ENTREP1: variants seen among roughly 807,000 people sequenced by gnomAD.
ENTREP1 encodes endosomal transmembrane epsin interactor 1, also known as Friedreich ataxia region gene X123.
chr9:69,328,180 A>G, the ENTREP1 span, among the ~76,000 whole-genome samples: 1 of 152,138 alleles, frequency 6.6e-6, no homozygotes, highest in African/African-American at 2.4e-5. Context: ...TCTTCTGATA[A>G]ACTTCAGAAG....
the ENTREP1 span, among the ~76,000 whole-genome samples, chr9:69,340,738 T>TGG: frequency 7.5e-6 from 1 of 133,886 alleles, no homozygotes; most frequent in African/African-American, 2.9e-5. Context: ...TGTGTGTATG[T>TGG]GTGTGTGTTT....
chr9:69,343,358 A>G, the ENTREP1 span, among the ~76,000 whole-genome samples: 4 of 152,212 alleles, frequency 2.6e-5, no homozygotes, highest in Admixed American at 2.6e-4. Flanking sequence ...GACCCACTTC[A>G]GTAAGGGAGA....
chr9:69,347,442 G>C, the ENTREP1 span, among the ~76,000 whole-genome samples: 1 of 152,196 alleles, frequency 6.6e-6, no homozygotes, highest in Non-Finnish European at 1.5e-5. Flanking sequence ...TGTGTTGTAG[G>C]GGGAGCAGTA....
At chr9:69,391,357 A>T in the ENTREP1 span, among the ~76,000 whole-genome samples, 10,124 of 152,316 alleles carry the variant, frequency 0.066, 401 homozygotes, top group Non-Finnish European at 0.084. Flanking sequence ...TAAAGCAAGA[A>T]ATTGCAACGG....
the ENTREP1 span, among the ~76,000 whole-genome samples, chr9:69,345,575 G>A: frequency 6.6e-6 from 1 of 151,886 alleles, no homozygotes; most frequent in African/African-American, 2.4e-5. Flanking sequence ...TAAAAAAATG[G>A]GAGCTCATTA....
chr9:69,325,276 G>A, the ENTREP1 span: 13 of 31,814 alleles, frequency 4.1e-4, no homozygotes, highest in Non-Finnish European at 4.7e-4. Context: ...CGCCGCAGCC[G>A]GCCGCACCCG....
chr9:69,380,637 C>T, the ENTREP1 span: 1 of 152,238 alleles, frequency 6.6e-6, no homozygotes, highest in Non-Finnish European at 1.5e-5. Context: ...ATTTGTAATA[C>T]AGGAGGGGGC....
chr9:69,340,763 A>ATGTGTGTG, the ENTREP1 span, among the ~76,000 whole-genome samples: 7 of 29,290 alleles, frequency 2.4e-4, no homozygotes, highest in South Asian at 2.2e-3. Flanking sequence ...GTGTGCGTGC[A>ATGTGTGTG]TGTGTGTGTG....
the ENTREP1 span, chr9:69,324,750 C>A: frequency 1.0e-6 from 1 of 985,724 alleles, no homozygotes; most frequent in East Asian, 1.1e-4. Context: ...GCATCCCCCT[C>A]CTTGGGCAAA....
chr9:69,358,966 C>T, the ENTREP1 span, among the ~76,000 whole-genome samples: 22 of 140,176 alleles, frequency 1.6e-4, no homozygotes, highest in African/African-American at 5.4e-4. Context: ...TGCAGCAGCA[C>T]GATCTCGGCT....
the ENTREP1 span, among the ~76,000 whole-genome samples, chr9:69,340,667 GTGTGTGTGTGCA>G: frequency 2.1e-4 from 4 of 19,508 alleles, no homozygotes; most frequent in South Asian, 1.1e-3. Context: ...GTGTGTGTGC[GTGTGTGTGTGCA>G]TGCATGTGTG....
the ENTREP1 span, chr9:69,388,105 T>C: frequency 6.2e-7 from 1 of 1,613,576 alleles, no homozygotes; most frequent in Non-Finnish European, 8.5e-7. Flanking sequence ...GGTACAGGCA[T>C]ATGTTCAAAA....
chr9:69,329,506 T>C, the ENTREP1 span: 1 of 982,964 alleles, frequency 1.0e-6, no homozygotes, highest in Non-Finnish European at 1.2e-6. Context: ...ATAAAGCATC[T>C]TTTTTCATAG....
chr9:69,364,823 G>A, the ENTREP1 span, among the ~76,000 whole-genome samples: 3 of 152,150 alleles, frequency 2.0e-5, no homozygotes, highest in African/African-American at 7.2e-5. Flanking sequence ...AGTGAATGGC[G>A]ATTTTGTATA....
chr9:69,349,234 C>T, the ENTREP1 span, among the ~76,000 whole-genome samples: 1 of 150,156 alleles, frequency 6.7e-6, no homozygotes, highest in African/African-American at 2.4e-5. Context: ...AATAATGCTG[C>T]TATGAACATT....
the ENTREP1 span, among the ~76,000 whole-genome samples, chr9:69,347,563 T>C: frequency 6.6e-6 from 1 of 152,222 alleles, no homozygotes; most frequent in Non-Finnish European, 1.5e-5. Flanking sequence ...GAGAGAAGCT[T>C]ACATTCAAAT....
chr9:69,337,547 A>G, the ENTREP1 span, among the ~76,000 whole-genome samples: 9 of 152,136 alleles, frequency 5.9e-5, no homozygotes, highest in African/African-American at 1.9e-4. Context: ...AAAGTATACA[A>G]TTCAGTGGTA....
chr9:69,351,141 A>G, the ENTREP1 span, among the ~76,000 whole-genome samples: 2 of 152,170 alleles, frequency 1.3e-5, no homozygotes, highest in African/African-American at 4.8e-5. Flanking sequence ...TTTCATCTCT[A>G]CTGAAATAAC....
chr9:69,377,514 C>T, the ENTREP1 span: 2 of 1,608,052 alleles, frequency 1.2e-6, no homozygotes, highest in South Asian at 1.1e-5. Flanking sequence ...CACGTTTCCG[C>T]TGAGCCAGCC....
Sources: allele counts gnomAD v4.1 joint callset (sites outside exome capture counted in the v4.1 genomes callset), GRCh38; gene constraint gnomAD v4.1.1; transcripts MANE v1.5; gene names NCBI Gene and HGNC (gene_info 2026-07-23, HGNC 2026-07-21).